KIAA0319: variants seen among roughly 807,000 people sequenced by gnomAD.
KIAA0319 encodes the protein KIAA0319.
A neutral mutation model predicts 108.4 loss-of-function variants in KIAA0319; 83 were observed. The ratio of observed to expected loss-of-function variants is 0.77; its 90% confidence interval spans 0.64 to 0.92. The LOEUF (loss-of-function observed/expected upper bound fraction) is 0.92. Among genes scored for constraint, KIAA0319 ranks in the 40% least tolerant of loss-of-function variants. KIAA0319 has a pLI of 0.00. For missense variants in KIAA0319, 1,195 were observed against 1,322.4 expected (o/e 0.90, Z 1.49); for synonymous variants, 484 against 510.4 (o/e 0.95, Z 0.70).
In KIAA0319 at chr6:24,645,866, CA is replaced by C. The variant is rs1777550243; in HGVS notation, c.-237del. On this transcript the variant is annotated 5_prime_UTR_variant, in exon 1 of 21. Coordinates refer to ENST00000378214, the MANE Select transcript of KIAA0319 (RefSeq NM_014809.4). ...ACACACACACACACACACACACACA[CA>C]CACACACACACACACACACACGTTC... The C allele has an allele frequency of 3.6e-5, 3 of 83,158 alleles. No individual in the cohort carries two copies. The highest frequency in any genetic ancestry group is 1.2e-4 in the African/African-American group (3 of 24,698). The allele number at this position is 83,158 out of a possible 1,614,324, so 5.2% of individuals were successfully genotyped here.
chr6:24,619,531 T>TA (rs1416349485), intron 1 of KIAA0319, among the ~76,000 whole-genome samples: 3 of 151,984 alleles, frequency 2.0e-5, no homozygotes, highest in African/African-American at 7.2e-5. Context: ...ACAGGATAAA[T>TA]ACGTCCAGGG....
At position 24,570,659 on chromosome 6, in the gene KIAA0319, G is replaced by C. The variant is rs556502080; in HGVS notation, c.1859-624C>G. ...TAAAATGAGAGAGGGAAGAAGGGTT[G>C]GGGGAGGAAGGAAAGAGAGAGGAAG... is the stretch of plus-strand genomic sequence containing the variant. On this transcript the variant is annotated intron_variant, in intron 11 of 20. Transcript: ENST00000378214. Among the ~76,000 whole-genome samples the C allele has an allele frequency of 1.5e-3, 226 of 150,136 alleles. 1 individual carries two copies. The highest frequency in any genetic ancestry group is 5.4e-3 in the African/African-American group (220 of 40,856).
At chr6:24,596,791 T>C (rs1201857658) in intron 2 of KIAA0319, among the ~76,000 whole-genome samples, 173 bp from the exon 3 acceptor site, 2 of 152,120 alleles carry the variant, frequency 1.3e-5, no homozygotes, top group Non-Finnish European at 2.9e-5. Flanking sequence ...CATCCAGCCA[T>C]ATATTCATCC....
intron 1 of KIAA0319, among the ~76,000 whole-genome samples, chr6:24,612,615 G>A (rs1357878104): frequency 6.6e-6 from 1 of 152,202 alleles, no homozygotes; most frequent in Non-Finnish European, 1.5e-5. Flanking sequence ...AGCACCTTTT[G>A]TTAAGTGAAG....
intron 1 of KIAA0319, among the ~76,000 whole-genome samples, chr6:24,635,667 G>A (rs1382478867): frequency 6.6e-6 from 1 of 152,122 alleles, no homozygotes; most frequent in Non-Finnish European, 1.5e-5. Flanking sequence ...AACCCTCAGT[G>A]GATATTCAGC....
At chr6:24,620,582 T>G (rs1456117733) in intron 1 of KIAA0319, among the ~76,000 whole-genome samples, 1 of 152,250 alleles carries the variant, frequency 6.6e-6, no homozygotes, top group African/African-American at 2.4e-5. Context: ...ATTACAGGCA[T>G]AAGCCACTGC....
intron 19 of KIAA0319, among the ~76,000 whole-genome samples, chr6:24,552,842 T>C (rs1023587620): frequency 2.6e-5 from 4 of 152,190 alleles, no homozygotes; most frequent in Admixed American, 1.3e-4. Context: ...TGACCTCAAG[T>C]GATCCACCCA....
intron 1 of KIAA0319, among the ~76,000 whole-genome samples, chr6:24,638,351 CA>C (rs1351263961): frequency 6.6e-5 from 10 of 152,050 alleles, no homozygotes; most frequent in South Asian, 6.2e-4. Flanking sequence ...GGAAATAACC[CA>C]AAATGCAATT....
chr6:24,601,268 CA>C (rs1770587245), intron 1 of KIAA0319, 60 bp from the exon 2 acceptor site: 2 of 1,439,410 alleles, frequency 1.4e-6, no homozygotes, highest in East Asian at 5.0e-5. Flanking sequence ...TAGAAACATC[CA>C]AAATTATTTC....
In KIAA0319 at chr6:24,599,142, A is replaced by G; in HGVS notation, c.55+1907T>C. ...CATGGACAGCATCATTGCTGAGGTC[A>G]AGGCCCAGTACAAGGAGATCACCAA... On this transcript the variant is annotated intron_variant, in intron 2 of 20. Transcript: ENST00000378214. This position sits in a 1 kb window ranked among gnomAD's most constrained non-coding sequence, Gnocchi z 4.1. The G allele has an allele frequency of 3.2e-6, 2 of 626,814 alleles. No individual in the cohort carries two copies. Among genetic ancestry groups the G allele is most frequent in the East Asian group, 2.7e-5 (1 of 36,766 alleles). 38.8% of individuals were successfully genotyped at this position (626,814 alleles called of 1,614,324 possible).
At chr6:24,551,566 A>G (rs1386183726) in intron 19 of KIAA0319, 41 bp from the exon 20 acceptor site, 4 of 1,334,206 alleles carry the variant, frequency 3.0e-6, no homozygotes, top group Non-Finnish European at 4.3e-6. Flanking sequence ...ATCTTTAGAA[A>G]GGTAACTGAG....
At chr6:24,555,574 G>C (rs1351456282) in intron 18 of KIAA0319, among the ~76,000 whole-genome samples, 3 of 151,716 alleles carry the variant, frequency 2.0e-5, no homozygotes, top group African/African-American at 7.3e-5. Context: ...TCCAAGGGCT[G>C]GCTATTTTCT....
chr6:24,644,941 TA>T (rs994158144), intron 1 of KIAA0319, among the ~76,000 whole-genome samples: 1 of 152,140 alleles, frequency 6.6e-6, no homozygotes, highest in African/African-American at 2.4e-5. Context: ...AAAATAATAC[TA>T]AAAAAAGCAC....
intron 3 of KIAA0319, among the ~76,000 whole-genome samples, chr6:24,590,878 G>A (rs1433305334): frequency 5.9e-5 from 9 of 152,120 alleles, no homozygotes; most frequent in African/African-American, 2.2e-4. Flanking sequence ...CAGGACACAA[G>A]GTCCTCTCTG....
intron 4 of KIAA0319, among the ~76,000 whole-genome samples, chr6:24,586,812 C>G (rs1409874666): frequency 7.9e-5 from 12 of 152,060 alleles, no homozygotes; most frequent in South Asian, 6.2e-4. Flanking sequence ...GAAACTTATT[C>G]TATCCTCCTC....
chr6:24,601,762 G>A (rs113838744), intron 1 of KIAA0319, among the ~76,000 whole-genome samples: 23 of 152,306 alleles, frequency 1.5e-4, no homozygotes, highest in African/African-American at 5.1e-4. Context: ...CTGGTCATTC[G>A]AGGCTGATTG....
Position 24,596,250 on chromosome 6 carries a change from T to G in KIAA0319, c.424A>C (p.Thr142Pro), listed in dbSNP as rs4576240. The change falls in exon 3 of 21, where the codon ACC becomes CCC. Residue 142 changes from threonine to proline, a missense_variant. Transcript: ENST00000378214. ...AGGCCCCAATCTTTGCCTAGAAAGGTCAAGTCCTTTCTGATATCCTCAGGT... is the reference window on the plus strand; with the variant it reads ...AGGCCCCAATCTTTGCCTAGAAAGGGCAAGTCCTTTCTGATATCCTCAGGT... ...DSPEDIRKDL[T>P]FLGKDWGLEE... 0.91 allele frequency: 1,464,599 copies of G among 1,614,112 alleles called. 664,946 individuals are homozygous for G. The highest frequency in any genetic ancestry group is 0.98 in the East Asian group (43,893 of 44,872).
At chr6:24,564,090 G>GCCACAGGAGCCA in intron 15 of KIAA0319, 112 bp downstream of exon 15, 1 of 1,362,742 alleles carries the variant, frequency 7.3e-7, no homozygotes, top group Non-Finnish European at 1.0e-6. Flanking sequence ...CCAGCCAAGA[G>GCCACAGGAGCCA]CTGGAGCCAG....
At chr6:24,542,896 A>C (rs940634679), downstream of KIAA0319, among the ~76,000 whole-genome samples, 12 of 152,232 alleles carry the variant, frequency 7.9e-5, no homozygotes, top group African/African-American at 2.9e-4. Flanking sequence ...ACCAGGCGTC[A>C]TCTGTATCAA....
Sources: gnomAD v4.1 joint callset for allele counts (sites outside exome capture counted in the v4.1 genomes callset) on GRCh38, gnomAD v4.1.1 for gene constraint, Gnocchi (gnomAD v3.1) non-coding constraint, MANE v1.5 for transcripts, NCBI Gene and HGNC (gene_info 2026-07-23, HGNC 2026-07-21) for gene names.